Variants in PCNX2 observed in about 807,000 individuals in gnomAD.
PCNX2 encodes pecanex-like protein 2.
A neutral mutation model predicts 223.8 loss-of-function variants in PCNX2; 168 were observed. That is an observed-to-expected ratio of 0.75 (90% CI 0.66 to 0.85). The LOEUF is 0.85. PCNX2 is among the 40% of genes least tolerant of loss of function. The probability of loss-of-function intolerance (pLI) is 0.00; values close to 1 mark genes in which losing one functional copy is unlikely to be tolerated. For missense variants in PCNX2, 2,507 were observed against 2,675.5 expected, an observed-to-expected ratio of 0.94 and a Z score of 1.39; for synonymous variants, 1,006 against 1,052.6, an observed-to-expected ratio of 0.96 and a Z score of 0.86.
chr1:233,012,062 G>GT (rs1558161332), intron 28 of PCNX2, among the ~76,000 whole-genome samples: 1 of 152,136 alleles, frequency 6.6e-6, no homozygotes, highest in Non-Finnish European at 1.5e-5. Context: ...CACAGAAGTG[G>GT]TGCTTGCTTG....
chr1:233,238,022 T>G (rs898377647), intron 8 of PCNX2, among the ~76,000 whole-genome samples: 1 of 152,228 alleles, frequency 6.6e-6, no homozygotes, highest in Non-Finnish European at 1.5e-5. Flanking sequence ...TAATAAATAC[T>G]GCTATCGTGA....
In PCNX2 at chr1:233,139,936, TC is replaced by T. The variant is rs1677012768; in HGVS notation, c.3518-82del. The T allele has an allele frequency of 1.4e-5, 20 of 1,473,416 alleles. No individual in the cohort carries two copies. Among genetic ancestry groups the T allele is most frequent in the African/African-American group, 4.3e-5 (3 of 70,572 alleles). The allele number at this position is 1,473,416 out of a possible 1,614,324, so 91.3% of individuals were successfully genotyped here. On this transcript the variant is annotated intron_variant, in intron 19 of 33. Transcript: ENST00000258229. This position sits in a 1 kb window ranked among gnomAD's most constrained non-coding sequence, Gnocchi z 4.4. Reference sequence around the variant, plus strand: ...AAGTACAGGTAATAATAAGTAATATTCCCCCCCTTTAATTCAAAAGCTGCTA... The same window carrying T: ...AAGTACAGGTAATAATAAGTAATATTCCCCCCTTTAATTCAAAAGCTGCTA...
At chr1:233,249,983 A>G (rs1659356760) in intron 8 of PCNX2, among the ~76,000 whole-genome samples, 1 of 152,238 alleles carries the variant, frequency 6.6e-6, no homozygotes, top group Non-Finnish European at 1.5e-5. Flanking sequence ...AGACTCTGAA[A>G]TTAAGGTTTA....
chr1:233,288,728 G>A (rs1572209690), intron 1 of PCNX2: 2 of 585,940 alleles, frequency 3.4e-6, no homozygotes, highest in Non-Finnish European at 5.9e-6. Flanking sequence ...ACAACTGCAT[G>A]GGATGGCATT....
chr1:233,167,417 G>A (rs920250699), intron 17 of PCNX2, among the ~76,000 whole-genome samples: 17 of 152,156 alleles, frequency 1.1e-4, no homozygotes, highest in African/African-American at 4.1e-4. Context: ...GGGGGAGGTA[G>A]AGATGGGGAT....
chr1:233,224,446 G>A (rs74145102), intron 10 of PCNX2, among the ~76,000 whole-genome samples: 7,035 of 152,284 alleles, frequency 0.046, 252 homozygotes, highest in African/African-American at 0.11. Context: ...TGTCATGCAG[G>A]ATGACTTAAT....
In PCNX2 at chr1:233,054,381, T is replaced by C; in HGVS notation, c.4238A>G (p.Tyr1413Cys). 1 of 1,613,888 alleles carries C rather than the reference T, an allele frequency of 6.2e-7. No individual in the cohort carries two copies. The change falls in exon 25 of 34, where the codon TAC (tyrosine) becomes TGC (cysteine). Residue 1413 changes from tyrosine to cysteine, a missense_variant. Tyr to Cys is a radical substitution (Grantham distance 194). Around this residue, in one of 3 missense-constraint regions of PCNX2, gnomAD observed 1,372 missense variants for 1,509.4 expected, o/e 0.91. Coordinates refer to ENST00000258229, the MANE Select transcript of PCNX2 (RefSeq NM_014801.4). ...GDLVLGRWGN[Y>C]SSGDCFILAS... ...CAAAATAAAGCAATCGCCAGAGCTG[T>C]AGTTGCCCCAACGTCCAAGAACTAA...
chr1:233,077,236 G>C (rs574957434), intron 23 of PCNX2, among the ~76,000 whole-genome samples: 6 of 152,102 alleles, frequency 3.9e-5, no homozygotes, highest in Non-Finnish European at 8.8e-5. Context: ...GTGGGGGGAA[G>C]GAATAGTATT....
At chr1:233,289,611 G>A (rs1487413144) in intron 1 of PCNX2, among the ~76,000 whole-genome samples, 2 of 152,254 alleles carry the variant, frequency 1.3e-5, no homozygotes. Context: ...TATGGAGATA[G>A]TGCAAAGGAT....
chr1:232,985,230 G>A (rs1276356027), intron 33 of PCNX2: 1 of 152,156 alleles, frequency 6.6e-6, no homozygotes, highest in African/African-American at 2.4e-5. Context: ...TGGCAGGAAG[G>A]TACTTCCCTG....
intron 21 of PCNX2, among the ~76,000 whole-genome samples, chr1:233,134,403 A>T (rs1676684102): frequency 6.6e-6 from 1 of 152,234 alleles, no homozygotes; most frequent in Non-Finnish European, 1.5e-5. Context: ...AATTATAAGT[A>T]GGATTTCTCA....
chr1:233,116,677 C>T (rs1558246607), intron 21 of PCNX2, among the ~76,000 whole-genome samples: 1 of 151,974 alleles, frequency 6.6e-6, no homozygotes. Context: ...ATTTATAGCA[C>T]TAAATGCATA....
At chr1:233,124,904 A>G (rs958335788) in intron 21 of PCNX2, among the ~76,000 whole-genome samples, 5 of 152,252 alleles carry the variant, frequency 3.3e-5, no homozygotes, top group Non-Finnish European at 7.3e-5. Flanking sequence ...TTGTGATTGT[A>G]GAGTTTTCCC....
At position 233,025,135 on chromosome 1, in the gene PCNX2, CAG is replaced by C; in HGVS notation, c.4605+9_4605+10del. On this transcript the variant is annotated intron_variant, in intron 26 of 33. Coordinates refer to ENST00000258229, the MANE Select transcript of PCNX2 (RefSeq NM_014801.4). ...ATTTCTGCCTTAGGTGTTTGGGAAA[CAG>C]AGCAATACCTTGATGTAGTAGCGGA... is the stretch of plus-strand genomic sequence containing the variant. The C allele has an allele frequency of 6.2e-7, 1 of 1,612,966 alleles. No individual in the cohort carries two copies. Among genetic ancestry groups the C allele is most frequent in the Non-Finnish European group, 8.5e-7 (1 of 1,179,092 alleles).
chr1:233,170,176 T>C (rs935963154), intron 17 of PCNX2, among the ~76,000 whole-genome samples: 2 of 152,162 alleles, frequency 1.3e-5, no homozygotes, highest in Admixed American at 1.3e-4. Context: ...TACCTAGGAG[T>C]AGAATTGCTG....
intron 8 of PCNX2, among the ~76,000 whole-genome samples, chr1:233,237,773 C>A (rs1046830905): frequency 1.3e-5 from 2 of 152,130 alleles, no homozygotes; most frequent in African/African-American, 4.8e-5. Context: ...AAGACTGTTG[C>A]TTTGGAAGAG....
chr1:232,992,808 G>T (rs1447989082), intron 32 of PCNX2, among the ~76,000 whole-genome samples: 1 of 152,118 alleles, frequency 6.6e-6, no homozygotes, highest in East Asian at 1.9e-4. Context: ...TGTGATAGTG[G>T]GTGAGTTCTC....
chr1:233,061,629 C>T lies in PCNX2; in HGVS notation c.4077-4339G>A, dbSNP rs183481435. 6.8e-4 allele frequency among the ~76,000 whole-genome samples: 103 copies of T among 152,294 alleles called. 1 individual carries two copies. The highest frequency in any genetic ancestry group is 6.5e-3 in the Admixed American group (99 of 15,306). ...TAAAAATGGTTATGAGTGCTGGGTG[C>T]TTTCCTTCTACTGGATTTTGATCTG... On this transcript the variant is annotated intron_variant, in intron 23 of 33. Coordinates refer to ENST00000258229, the MANE Select transcript of PCNX2 (RefSeq NM_014801.4).
intron 18 of PCNX2, among the ~76,000 whole-genome samples, chr1:233,160,752 T>C (rs1047439314): frequency 6.6e-6 from 1 of 152,146 alleles, no homozygotes; most frequent in African/African-American, 2.4e-5. Flanking sequence ...CATTTCCTCA[T>C]GAAAAGGGGA....
Sources: allele counts gnomAD v4.1 joint callset (sites outside exome capture counted in the v4.1 genomes callset), GRCh38; gene constraint gnomAD v4.1.1; regional missense constraint gnomAD v4.1.1; non-coding constraint Gnocchi (gnomAD v3.1); transcripts MANE v1.5; gene names NCBI Gene and HGNC (gene_info 2026-07-23, HGNC 2026-07-21).